Variants in NHSL1 observed in about 807,000 individuals in gnomAD.
The protein encoded by NHSL1 is NHS-like protein 1.
NHSL1 carries 48 observed loss-of-function variants against 95.0 expected under a neutral mutation model. The ratio of observed to expected loss-of-function variants is 0.51; its 90% confidence interval spans 0.40 to 0.64. NHSL1 has a LOEUF of 0.64. Ranked by LOEUF, NHSL1 falls within the 30% of genes least tolerant of loss-of-function variation. The pLI, the probability that NHSL1 is intolerant of heterozygous loss-of-function variation, is 0.00. For missense variants in NHSL1, 1,971 were observed against 2,077.7 expected, an observed-to-expected ratio of 0.95 and a Z score of 1.00; for synonymous variants, 783 against 833.9, an observed-to-expected ratio of 0.94 and a Z score of 1.05.
intron 1 of NHSL1, among the ~76,000 whole-genome samples, chr6:138,636,197 G>A (rs920665827): frequency 2.7e-5 from 4 of 150,250 alleles, no homozygotes; most frequent in South Asian, 2.1e-4. Flanking sequence ...TGCTGAAAAA[G>A]TATTTGACAA....
intron 1 of NHSL1, among the ~76,000 whole-genome samples, chr6:138,638,948 G>A (rs913653539): frequency 6.6e-6 from 1 of 152,216 alleles, no homozygotes; most frequent in Non-Finnish European, 1.5e-5. Flanking sequence ...GCCTTTGGAT[G>A]GGGATAAATA....
chr6:138,638,181 T>C (rs976621437), intron 1 of NHSL1, among the ~76,000 whole-genome samples: 4 of 151,818 alleles, frequency 2.6e-5, no homozygotes, highest in African/African-American at 7.3e-5. Flanking sequence ...TTCACGAAGA[T>C]AGAAGAGTAG....
chr6:138,692,294 C>A lies in NHSL1; in HGVS notation c.96+182G>T, dbSNP rs1429453673. The A allele has an allele frequency of 5.0e-6, 2 of 400,036 alleles. No homozygotes were observed. The highest frequency in any genetic ancestry group is 4.2e-5 in the African/African-American group (2 of 48,116). The allele number at this position is 400,036 out of a possible 1,614,324, so 24.8% of individuals were successfully genotyped here. On this transcript the variant is annotated intron_variant, in intron 1 of 3. Transcript: ENST00000491526. This position sits in a 1 kb window ranked among gnomAD's most constrained non-coding sequence, Gnocchi z 4.0. ...CTCCAGGAGTCCGAAAGTCACAGAGCGCTCTGCGCCCCTGCCACCTGCCCA... is the reference window on the plus strand; with the variant it reads ...CTCCAGGAGTCCGAAAGTCACAGAGAGCTCTGCGCCCCTGCCACCTGCCCA...
intron 1 of NHSL1, among the ~76,000 whole-genome samples, chr6:138,564,061 GA>G (rs1288757086): frequency 6.7e-6 from 1 of 150,234 alleles, no homozygotes; most frequent in Non-Finnish European, 1.5e-5. Context: ...AAACAGCCCT[GA>G]TCAAATTTTT....
intron 1 of NHSL1, among the ~76,000 whole-genome samples, chr6:138,666,690 A>G (rs1785299952): frequency 6.6e-6 from 1 of 152,108 alleles, no homozygotes; most frequent in Non-Finnish European, 1.5e-5. Flanking sequence ...TCAAGTCACA[A>G]TTTATATATA....
intron 2 of NHSL1, 31 bp downstream of exon 2, chr6:138,496,188 G>C (rs946478971): frequency 1.7e-5 from 27 of 1,549,918 alleles, no homozygotes; most frequent in Non-Finnish European, 2.3e-5. Context: ...AGTAACCCAA[G>C]AAAATAAGCT....
At chr6:138,553,890 G>T (rs1011346264) in intron 1 of NHSL1, among the ~76,000 whole-genome samples, 1 of 152,138 alleles carries the variant, frequency 6.6e-6, no homozygotes, top group Non-Finnish European at 1.5e-5. Context: ...AACAAACTCA[G>T]AAAGCAGTTT....
intron 3 of NHSL1, among the ~76,000 whole-genome samples, chr6:138,453,029 G>GT (rs1409969874): frequency 6.6e-6 from 1 of 151,622 alleles, no homozygotes; most frequent in African/African-American, 2.4e-5. Flanking sequence ...AGAGTGCAGT[G>GT]TAGTGGCGCA....
chr6:138,453,398 A>G (rs1164323839), intron 3 of NHSL1, among the ~76,000 whole-genome samples: 5 of 151,962 alleles, frequency 3.3e-5, no homozygotes, highest in Non-Finnish European at 7.4e-5. Context: ...CCTCTTGCCC[A>G]GGCTAGAGTG....
chr6:138,621,016 G>T (rs1784649356), intron 1 of NHSL1, among the ~76,000 whole-genome samples: 1 of 152,176 alleles, frequency 6.6e-6, no homozygotes, highest in Non-Finnish European at 1.5e-5. Context: ...TAGTGTGGGG[G>T]ATAAGGGAGA....
At chr6:138,538,969 C>T (rs766293942) in intron 1 of NHSL1, among the ~76,000 whole-genome samples, 2 of 152,180 alleles carry the variant, frequency 1.3e-5, no homozygotes, top group Admixed American at 1.3e-4. Context: ...AACCCACAGT[C>T]AAGTCACTCA....
chr6:138,427,720 C>T lies in NHSL1; in HGVS notation c.4085+1991G>A, dbSNP rs369333111. ...TTTCCATCTGGCTTTAAATCTGAAG[C>T]GAATTAATTTGCATTATAAAATTTG... On this transcript the variant is annotated intron_variant, in intron 7 of 7. Transcript: ENST00000343505. Among the ~76,000 whole-genome samples the T allele has an allele frequency of 4.6e-5, 7 of 152,252 alleles. No homozygotes were observed. The East Asian group carries it at 5.8e-4, about 13-fold the overall frequency.
In NHSL1 at chr6:138,488,376, G is replaced by A. The variant is rs188859770; in HGVS notation, c.211+7843C>T. On this transcript the variant is annotated intron_variant, in intron 2 of 7. Coordinates refer to ENST00000343505, the MANE Select transcript of NHSL1 (RefSeq NM_001144060.2). ...TATTCTTTGGGAAGTAACAAACTAG[G>A]CAAATTGTAAACTCAGCTGCAAGTG... Among the ~76,000 whole-genome samples, 161 of 152,166 alleles carry A rather than the reference G, an allele frequency of 1.1e-3. 1 individual carries two copies. The highest frequency in any genetic ancestry group is 3.4e-3 in the African/African-American group (142 of 41,516).
chr6:138,659,943 T>C (rs1457368960), intron 1 of NHSL1, among the ~76,000 whole-genome samples: 5 of 152,204 alleles, frequency 3.3e-5, no homozygotes, highest in Admixed American at 3.3e-4. Context: ...CTCAAACTCC[T>C]GACCTCAAAT....
upstream of NHSL1, among the ~76,000 whole-genome samples, chr6:138,574,459 G>C (rs1487606832): frequency 2.0e-5 from 3 of 152,068 alleles, no homozygotes; most frequent in Non-Finnish European, 2.9e-5. Context: ...CACACTCAAA[G>C]GAGCCATGGA....
chr6:138,647,571 A>C (rs1289233702), intron 1 of NHSL1, among the ~76,000 whole-genome samples: 1 of 152,020 alleles, frequency 6.6e-6, no homozygotes, highest in East Asian at 1.9e-4. Flanking sequence ...AAAGAACTTA[A>C]AAAATTGATC....
chr6:138,437,446 A>ACAC (rs1491460792), intron 5 of NHSL1, among the ~76,000 whole-genome samples: 87 of 33,968 alleles, frequency 2.6e-3, no homozygotes, highest in African/African-American at 8.1e-3. Flanking sequence ...ACACACACAC[A>ACAC]AAAAAAAAAA....
At chr6:138,657,749 A>T (rs2114724544) in intron 1 of NHSL1, among the ~76,000 whole-genome samples, 1 of 142,660 alleles carries the variant, frequency 7.0e-6, no homozygotes, top group Admixed American at 7.4e-5. Flanking sequence ...CGGGAGGCAG[A>T]GCTTGCAGTG....
upstream of NHSL1, among the ~76,000 whole-genome samples, chr6:138,576,578 C>T (rs1019007603): frequency 6.6e-6 from 1 of 152,188 alleles, no homozygotes; most frequent in Non-Finnish European, 1.5e-5. Flanking sequence ...TGCTGAGCTT[C>T]AGGCCTTAGG....
Sources: gnomAD v4.1 joint callset for allele counts (sites outside exome capture counted in the v4.1 genomes callset) on GRCh38, gnomAD v4.1.1 for gene constraint, Gnocchi (gnomAD v3.1) non-coding constraint, MANE v1.5 for transcripts, NCBI Gene and HGNC (gene_info 2026-07-23, HGNC 2026-07-21) for gene names.